The following DGAT1 variants were observed in gnomAD, a reference collection of about 807,000 sequenced individuals.
DGAT1 encodes diacylglycerol O-acyltransferase 1.
DGAT1 carries 60 observed loss-of-function variants against 72.6 expected under a neutral mutation model. The ratio of observed to expected loss-of-function variants is 0.83; its 90% CI spans 0.67 to 1.02. The LOEUF (loss-of-function observed/expected upper bound fraction) is 1.02, where lower values mean the gene tolerates loss of function less well. DGAT1 is among the 50% of genes least tolerant of loss of function. The pLI is 0.00. For synonymous variants in DGAT1, 290 were observed against 267.5 expected (o/e 1.08, Z -0.82); for missense variants, 592 against 670.0 (o/e 0.88, Z 1.29).
At chr8:144,325,018 T>C (rs1554848630) in intron 1 of DGAT1, among the ~76,000 whole-genome samples, 2 of 151,660 alleles carry the variant, frequency 1.3e-5, no homozygotes, top group South Asian at 2.1e-4. Flanking sequence ...GAGCCAAGAA[T>C]GTGCCATTTT....
chr8:144,325,670 T>A (rs1564634470), intron 1 of DGAT1, among the ~76,000 whole-genome samples: 2 of 152,068 alleles, frequency 1.3e-5, no homozygotes, highest in Non-Finnish European at 2.9e-5. Context: ...GCCATGGTTC[T>A]CTCCCTCCAC....
At position 144,317,322 on chromosome 8, in the gene DGAT1, G is replaced by T; in HGVS notation, c.1094+11C>A. The T allele has an allele frequency of 1.2e-6, 2 of 1,613,414 alleles. No homozygotes were observed. The highest frequency in any genetic ancestry group is 1.1e-5 in the South Asian group (1 of 91,072). ...CATCCCAGCCCCCAGGGACACCCCA[G>T]GGACACTCACCACCAGTCCCGGTAG... On this transcript the variant is annotated intron_variant, in intron 13 of 16. Transcript: ENST00000528718.
chr8:144,315,112 G>A lies in DGAT1; in HGVS notation c.*1442C>T, dbSNP rs1224330714. 1.3e-5 allele frequency: 13 copies of A among 985,430 alleles called. No homozygotes were observed. In the Admixed American group the frequency reaches 6.1e-4, roughly 47 times the overall value. 61.0% of individuals were successfully genotyped at this position (985,430 alleles called of 1,614,324 possible). A position where few individuals can be genotyped will look rare whatever the true frequency, so the allele number is the denominator to read the frequency against. On this transcript the variant is annotated 3_prime_UTR_variant, in exon 17 of 17. Transcript: ENST00000528718. ...TTCTCCACTCAGCCTGGTGGAGGAA[G>A]GGAAGGGGGCCTGCGCTGGGCAGTG... is the stretch of plus-strand genomic sequence containing the variant.
chr8:144,319,861 C>T (rs563980165), intron 2 of DGAT1, among the ~76,000 whole-genome samples: 6 of 152,330 alleles, frequency 3.9e-5, no homozygotes, highest in South Asian at 2.1e-4. Context: ...GCTGACCACC[C>T]GGAGCTCGGG....
Position 144,326,780 on chromosome 8 carries a change from G to T in DGAT1, c.-144C>A. The T allele has an allele frequency of 1.5e-6, 1 of 674,066 alleles. No individual in the cohort carries two copies. Among genetic ancestry groups the T allele is most frequent in the Non-Finnish European group, 1.9e-6 (1 of 522,332 alleles). The allele number at this position is 674,066 out of a possible 1,614,324, so 41.8% of individuals were successfully genotyped here. On this transcript the variant is annotated 5_prime_UTR_variant, in exon 1 of 17. It adds an upstream start codon to the 5' untranslated region. Transcript: ENST00000528718. ...CGTAGCCCGGGTGACCGCCTCACCA[G>T]CGCGTTCAACCCGCCCGCGTCGGGC...
chr8:144,321,201 A>C (rs1159227656), intron 2 of DGAT1, 120 bp downstream of exon 2: 4 of 944,484 alleles, frequency 4.2e-6, no homozygotes, highest in East Asian at 2.4e-5. Flanking sequence ...CACACACCCC[A>C]GCCCACAGGG....
intron 1 of DGAT1, 66 bp downstream of exon 1, chr8:144,326,371 T>C: frequency 7.5e-7 from 1 of 1,329,180 alleles, no homozygotes; most frequent in African/African-American, 1.5e-5. Context: ...GAGCTCGCGC[T>C]TCGGCCAACC....
In DGAT1 at chr8:144,315,078, G is replaced by C; in HGVS notation, c.*1476C>G. Reference sequence around the variant, plus strand: ...ACGGGGAACGGGAGCCTGTCCCGTAGCTTTAGGGTTCTCCACTCAGCCTGG... The same window carrying C: ...ACGGGGAACGGGAGCCTGTCCCGTACCTTTAGGGTTCTCCACTCAGCCTGG... On this transcript the variant is annotated 3_prime_UTR_variant, in exon 17 of 17. Coordinates refer to ENST00000528718, the MANE Select transcript of DGAT1 (RefSeq NM_012079.6). 1.0e-6 allele frequency: 1 copy of C among 985,418 alleles called. No individual in the cohort carries two copies. Among genetic ancestry groups the C allele is most frequent in the Non-Finnish European group, 1.2e-6 (1 of 829,972 alleles). The allele number at this position is 985,418 out of a possible 1,614,324, so 61.0% of individuals were successfully genotyped here. A position where few individuals can be genotyped will look rare whatever the true frequency, so the allele number is the denominator to read the frequency against.
rs1554848827 is a variant in DGAT1, at chr8:144,326,612, G to A, written c.25C>T (p.Arg9Cys). The change falls in exon 1 of 17, where the codon CGC (arginine) becomes TGC (cysteine). Residue 9 changes from arginine (R) to cysteine (C), a missense_variant. Arg to Cys is a radical substitution (Grantham distance 180). Transcript: ENST00000528718. Reference sequence around the variant, plus strand: ...GAGGGCCGCGACCCTGTCCTCCGGCGCCGGGAGCTGCCGCGGTCGCCCATG... The same window carrying A: ...GAGGGCCGCGACCCTGTCCTCCGGCACCGGGAGCTGCCGCGGTCGCCCATG... MGDRGSSR[R>C]RRTGSRPSSH... The A allele has an allele frequency of 8.3e-7, 1 of 1,204,272 alleles. No individual in the cohort carries two copies. Among genetic ancestry groups the A allele is most frequent in the Non-Finnish European group, 1.0e-6 (1 of 970,440 alleles). The allele number at this position is 1,204,272 out of a possible 1,614,324, so 74.6% of individuals were successfully genotyped here. A position where few individuals can be genotyped will look rare whatever the true frequency, so the allele number is the denominator to read the frequency against.
chr8:144,315,017 A>C lies in DGAT1; in HGVS notation c.*1537T>G. 3 of 985,606 alleles carry C rather than the reference A, an allele frequency of 3.0e-6. No individual in the cohort carries two copies. The highest frequency in any genetic ancestry group is 3.6e-6 in the Non-Finnish European group (3 of 830,092). 61.1% of individuals were successfully genotyped at this position (985,606 alleles called of 1,614,324 possible). ...CGGACAGGTGATGCGGGGCGGGCACACTGTCTTTCTGCCAGAGCCAGCACC... is the reference window on the plus strand; with the variant it reads ...CGGACAGGTGATGCGGGGCGGGCACCCTGTCTTTCTGCCAGAGCCAGCACC... On this transcript the variant is annotated 3_prime_UTR_variant, in exon 17 of 17. Coordinates refer to ENST00000528718, the MANE Select transcript of DGAT1 (RefSeq NM_012079.6).
intron 1 of DGAT1, among the ~76,000 whole-genome samples, chr8:144,323,385 A>G (rs1200535284): frequency 2.0e-5 from 3 of 152,026 alleles, no homozygotes; most frequent in Non-Finnish European, 4.4e-5. Flanking sequence ...AGGCCTGACC[A>G]GCCCCACCCA....
rs2130514095 is a variant in DGAT1 at position 144,317,360 on chromosome 8, C to T, written c.1067G>A (p.Gly356Glu). 1 of 1,613,774 alleles carries T rather than the reference C, an allele frequency of 6.2e-7. No individual in the cohort carries two copies. Residue 356 changes from glycine to glutamate, a missense_variant, in exon 13 of 17, where the codon GGA (glycine) becomes GAA (glutamate). Transcript: ENST00000528718. ...LNAVAELMQF[G>E]DREFYRDWWN... is the part of the protein sequence containing the mutation. ...CCAGTCCCGGTAGAACTCCCGGTCT[C>T]CAAACTGCATGAGCTCAGCCACGGC...
chr8:144,318,271 C>T lies in DGAT1; in HGVS notation c.666G>A (p.Arg222=). 1.2e-6 allele frequency: 2 copies of T among 1,612,758 alleles called. No homozygotes were observed. Among genetic ancestry groups the T allele is most frequent in the Non-Finnish European group, 1.7e-6 (2 of 1,179,870 alleles). Residue 222 remains arginine, a synonymous_variant, in exon 7 of 17, where the codon AGG becomes AGA. Coordinates refer to ENST00000528718, the MANE Select transcript of DGAT1 (RefSeq NM_012079.6). ...CTGGCAGCCCCTCACCAGCCTTGGC[C>T]CTGGCCCTGCGGCACCATGAGTTGA... The part of the protein sequence containing the change: ...RDVNSWCRRA[R]AKAASAGKKA...
intron 1 of DGAT1, among the ~76,000 whole-genome samples, chr8:144,324,043 G>A (rs1214021638): frequency 9.2e-5 from 14 of 152,360 alleles, no homozygotes; most frequent in East Asian, 7.7e-4. Context: ...GCCAGAAACC[G>A]GATGGCCCCG....
chr8:144,325,713 A>G (rs1169613663), intron 1 of DGAT1, among the ~76,000 whole-genome samples: 2 of 152,280 alleles, frequency 1.3e-5, no homozygotes, highest in African/African-American at 4.8e-5. Flanking sequence ...TGAGCAGGGC[A>G]CACGCCTGCA....
chr8:144,318,484 A>G lies in DGAT1; in HGVS notation c.551T>C (p.Leu184Ser). ...ACCTGGAGTGATAGACTCAACCAGTAAGACCACAGCCGCTGGGAAACACAG... is the reference window on the plus strand; with the variant it reads ...ACCTGGAGTGATAGACTCAACCAGTGAGACCACAGCCGCTGGGAAACACAG... ...TILCFPAAVV[L>S]LVESITPVGS... Residue 184 changes from leucine (L) to serine (S), a missense_variant, in exon 6 of 17, where the codon TTA (leucine) becomes TCA (serine). Physicochemically the swap from Leu to Ser is moderately radical, Grantham distance 145 (BLOSUM62 -2). Coordinates refer to ENST00000528718, the MANE Select transcript of DGAT1 (RefSeq NM_012079.6). The G allele has an allele frequency of 6.2e-7, 1 of 1,611,600 alleles. No individual in the cohort carries two copies. Among genetic ancestry groups the G allele is most frequent in the Non-Finnish European group, 8.5e-7 (1 of 1,179,862 alleles).
intron 2 of DGAT1, among the ~76,000 whole-genome samples, chr8:144,320,192 G>T (rs1554847950): frequency 6.6e-6 from 1 of 152,236 alleles, no homozygotes; most frequent in African/African-American, 2.4e-5. Flanking sequence ...TGCCTGGGGT[G>T]GGGGCATGGG....
At chr8:144,316,945 G>A (rs782542784) in intron 15 of DGAT1, 30 bp from the exon 16 acceptor site, 1 of 1,612,520 alleles carries the variant, frequency 6.2e-7, no homozygotes, top group Non-Finnish European at 8.5e-7. Flanking sequence ...GGATGCCAGG[G>A]AGTGGGGTGT....
chr8:144,321,002 A>G (rs555495502), intron 2 of DGAT1, among the ~76,000 whole-genome samples: 37 of 152,118 alleles, frequency 2.4e-4, no homozygotes, highest in Admixed American at 5.9e-4. Context: ...CTCACAACAC[A>G]CAGGCTCCAG....
Sources: allele counts gnomAD v4.1 joint callset (sites outside exome capture counted in the v4.1 genomes callset), GRCh38; gene constraint gnomAD v4.1.1; transcripts MANE v1.5; gene names NCBI Gene and HGNC (gene_info 2026-07-23, HGNC 2026-07-21).